The following UBN1 variants were observed in gnomAD, a reference collection of about 807,000 sequenced individuals.
UBN1 encodes ubinuclein 1.
A neutral mutation model predicts 108.5 loss-of-function variants in UBN1; 17 were observed. That is an observed-to-expected ratio of 0.16 (90% CI 0.11 to 0.24). The LOEUF (loss-of-function observed/expected upper bound fraction) is 0.24, where lower values mean the gene tolerates loss of function less well. Among genes scored for constraint, UBN1 ranks in the 10% least tolerant of loss-of-function variants. UBN1 has a pLI of 1.00. For synonymous variants in UBN1, 726 were observed against 564.2 expected (o/e 1.29, Z -4.07); for missense variants, 1,595 against 1,394.4 (o/e 1.14, Z -2.29).
At chr16:4,860,008 C>G (rs370265873) in intron 6 of UBN1, 40 bp downstream of exon 6, 62 of 1,611,568 alleles carry the variant, frequency 3.8e-5, no homozygotes, top group Non-Finnish European at 5.3e-5. Flanking sequence ...AAAGCCTGAA[C>G]TGTTAGGGCA....
In UBN1 at chr16:4,870,952, C is replaced by T. The variant is rs1033572989; in HGVS notation, c.1539C>T (p.Phe513=). Reference sequence around the variant, plus strand: ...GGATAATGGGACCTCGGAAGAAGTTCCAATGGAATGATGAGATCAGGTGTG... The same window carrying T: ...GGATAATGGGACCTCGGAAGAAGTTTCAATGGAATGATGAGATCAGGTGTG... ...GRRIMGPRKK[F]QWNDEIRELL... The change falls in exon 11 of 18, where the codon TTC becomes TTT. Residue 513 remains phenylalanine, a synonymous_variant. Transcript: ENST00000262376. The T allele has an allele frequency of 2.5e-6, 4 of 1,613,946 alleles. No homozygotes were observed. The highest frequency in any genetic ancestry group is 2.7e-5 in the African/African-American group (2 of 74,894).
rs780744121 is a variant in UBN1 at position 4,868,915 on chromosome 16, C to A, written c.1181+12C>A. Reference sequence around the variant, plus strand: ...GGAATCCTATTAGAGTGAGTATCGTCTGTCTGTCTGTCTGTCTGTCTGTTT... The same window carrying A: ...GGAATCCTATTAGAGTGAGTATCGTATGTCTGTCTGTCTGTCTGTCTGTTT... On this transcript the variant is annotated intron_variant, in intron 8 of 17. Coordinates refer to ENST00000262376, the MANE Select transcript of UBN1 (RefSeq NM_001079514.3). 9.5e-5 allele frequency: 151 copies of A among 1,581,458 alleles called. No homozygotes were observed. The highest frequency in any genetic ancestry group is 1.0e-5 in the Non-Finnish European group (12 of 1,159,258).
chr16:4,870,275 G>A lies in UBN1; in HGVS notation c.1245G>A (p.Ala415=), dbSNP rs140706161. The part of the protein sequence containing the change: ...QVRSGVYAYL[A]SFLPCSKDAL... ...GCTCTGGGGTGTATGCCTATCTTGCGTCATTCCTGCCCTGCAGCAAGGATG... is the reference window on the plus strand; with the variant it reads ...GCTCTGGGGTGTATGCCTATCTTGCATCATTCCTGCCCTGCAGCAAGGATG... The change falls in exon 9 of 18, where the codon GCG becomes GCA. Residue 415 remains alanine, a synonymous_variant. Coordinates refer to ENST00000262376, the MANE Select transcript of UBN1 (RefSeq NM_001079514.3). 1.3e-4 allele frequency: 205 copies of A among 1,614,102 alleles called. No homozygotes were observed. Among genetic ancestry groups the A allele is most frequent in the South Asian group, 7.7e-4 (70 of 91,090 alleles).
chr16:4,874,860 T>G lies in UBN1; in HGVS notation c.2450T>G (p.Phe817Cys), dbSNP rs2087805462. ...FHAGTQQQKNFTPPSPFANKL... is the reference protein window; with the variant it reads ...FHAGTQQQKNCTPPSPFANKL... ...GCCGGCACTCAGCAGCAGAAAAACTTCACGCCCCCATCTCCATTTGCCAAT... is the reference window on the plus strand; with the variant it reads ...GCCGGCACTCAGCAGCAGAAAAACTGCACGCCCCCATCTCCATTTGCCAAT... The change falls in exon 15 of 18, where the codon TTC becomes TGC. Residue 817 changes from phenylalanine to cysteine, a missense_variant. Phe to Cys is a radical substitution (Grantham distance 205). Around this residue, in one of 3 missense-constraint regions of UBN1, gnomAD observed 1,398 missense variants for 1,194.7 expected, o/e 1.17. Transcript: ENST00000262376. 1 of 1,613,932 alleles carries G rather than the reference T, an allele frequency of 6.2e-7. No homozygotes were observed. The highest frequency in any genetic ancestry group is 8.5e-7 in the Non-Finnish European group (1 of 1,180,044).
Position 4,861,017 on chromosome 16 carries a change from G to C in UBN1, c.1025G>C (p.Gly342Ala). Residue 342 changes from glycine to alanine, a missense_variant, in exon 7 of 18, where the codon GGA becomes GCA. Physicochemically the swap from Gly to Ala is moderately conservative, Grantham distance 60. This residue lies in a region of UBN1 where 1,398 missense variants were observed against 1,194.7 expected (regional missense o/e 1.17). Coordinates refer to ENST00000262376, the MANE Select transcript of UBN1 (RefSeq NM_001079514.3). ...GATGGAAGTGATTCCCTTGGGGTGG[G>C]ATTGGACCAGGAATTCAGGCAGCCC... The part of the protein sequence containing the change: ...MDDGSDSLGV[G>A]LDQEFRQPSS... 6.2e-7 allele frequency: 1 copy of C among 1,614,230 alleles called. No homozygotes were observed. The highest frequency in any genetic ancestry group is 2.2e-5 in the East Asian group (1 of 44,884).
rs766013729 is a variant in UBN1 at position 4,874,558 on chromosome 16, G to A, written c.2148G>A (p.Arg716=). 117 of 1,614,030 alleles carry A rather than the reference G, an allele frequency of 7.2e-5. No homozygotes were observed. Among genetic ancestry groups the A allele is most frequent in the Non-Finnish European group, 9.2e-5 (109 of 1,179,988 alleles). ...VGGVLCTEEK[R]NFAKPSPSAP... is the part of the protein sequence containing the mutation. The stretch of plus-strand genomic sequence containing the variant: ...GCGTTTTATGTACAGAAGAAAAAAG[G>A]AACTTTGCGAAGCCTAGTCCTTCTG... Residue 716 remains arginine, a synonymous_variant, in exon 15 of 18, where the codon AGG becomes AGA. Coordinates refer to ENST00000262376, the MANE Select transcript of UBN1 (RefSeq NM_001079514.3).
intron 14 of UBN1, 34 bp from the exon 15 acceptor site, chr16:4,874,177 C>G (rs1445342516): frequency 2.0e-6 from 3 of 1,514,204 alleles, no homozygotes; most frequent in Non-Finnish European, 8.8e-7. Context: ...ATCTTTGGAC[C>G]TTTCTAAACA....
chr16:4,860,572 G>T, intron 6 of UBN1, 92 bp from the exon 7 acceptor site: 1 of 1,311,156 alleles, frequency 7.6e-7, no homozygotes, highest in South Asian at 1.4e-5. Context: ...TTCTCCTGGA[G>T]ACCATGACCC....
At chr16:4,862,688 T>C (rs2087123728) in intron 7 of UBN1, among the ~76,000 whole-genome samples, 1 of 152,238 alleles carries the variant, frequency 6.6e-6, no homozygotes, top group South Asian at 2.1e-4. Context: ...TCCCCACTCG[T>C]GCCATAGGTT....
At chr16:4,874,087 G>C in intron 14 of UBN1, 124 bp from the exon 15 acceptor site, 3 of 1,231,480 alleles carry the variant, frequency 2.4e-6, no homozygotes, top group Non-Finnish European at 3.3e-6. Flanking sequence ...CCCACCACTT[G>C]TCTTGTAATT....
chr16:4,868,317 G>A (rs1012598178), intron 7 of UBN1, among the ~76,000 whole-genome samples: 1 of 152,152 alleles, frequency 6.6e-6, no homozygotes, highest in Non-Finnish European at 1.5e-5. Flanking sequence ...CACATGGTCT[G>A]GCTAATAGAG....
chr16:4,870,798 G>A lies in UBN1; in HGVS notation c.1431-46G>A, dbSNP rs776491688. ...AGTGCAGAGTGAGGGGAGAGGCGGTGGGCAGGAGCACCTTGGGGCCCCATG... is the reference window on the plus strand; with the variant it reads ...AGTGCAGAGTGAGGGGAGAGGCGGTAGGCAGGAGCACCTTGGGGCCCCATG... On this transcript the variant is annotated intron_variant, in intron 10 of 17. Coordinates refer to ENST00000262376, the MANE Select transcript of UBN1 (RefSeq NM_001079514.3). The A allele has an allele frequency of 1.9e-6, 3 of 1,610,412 alleles. No individual in the cohort carries two copies. In the East Asian group the frequency reaches 6.7e-5, roughly 36 times the overall value.
rs558392752 is a variant in UBN1 at position 4,881,573 on chromosome 16, G to T, written c.*1441G>T. 47 of 152,264 alleles carry T rather than the reference G, an allele frequency of 3.1e-4. No homozygotes were observed. The highest frequency in any genetic ancestry group is 1.1e-3 in the African/African-American group (44 of 41,534). The allele number at this position is 152,264 out of a possible 1,614,324, so 9.4% of individuals were successfully genotyped here. A position where few individuals can be genotyped will look rare whatever the true frequency, so the allele number is the denominator to read the frequency against. On this transcript the variant is annotated 3_prime_UTR_variant, in exon 18 of 18. Transcript: ENST00000262376. ...CCGCTCTTGGCTCCTGACTCCCAGGGTACAGCGCCCAGTAACTCATCCTTC... is the reference window on the plus strand; with the variant it reads ...CCGCTCTTGGCTCCTGACTCCCAGGTTACAGCGCCCAGTAACTCATCCTTC...
At chr16:4,849,187 G>C (rs944697488) in intron 1 of UBN1, among the ~76,000 whole-genome samples, 2 of 152,112 alleles carry the variant, frequency 1.3e-5, no homozygotes, top group Non-Finnish European at 2.9e-5. Context: ...CAGAAACATG[G>C]TACATTTCTA....
chr16:4,861,925 G>A (rs2087085126), intron 7 of UBN1, among the ~76,000 whole-genome samples: 1 of 152,206 alleles, frequency 6.6e-6, no homozygotes, highest in African/African-American at 2.4e-5. Context: ...CTGGGCCACA[G>A]AGCAAGATTC....
chr16:4,871,531 C>T (rs1040482768), intron 12 of UBN1, among the ~76,000 whole-genome samples: 1 of 150,510 alleles, frequency 6.6e-6, no homozygotes, highest in Non-Finnish European at 1.5e-5. Flanking sequence ...CATTTTTTGT[C>T]CCACTTCAGT....
intron 5 of UBN1, 32 bp downstream of exon 5, chr16:4,859,191 A>G (rs377114274): frequency 2.9e-5 from 47 of 1,604,460 alleles, no homozygotes; most frequent in African/African-American, 2.7e-5. Flanking sequence ...GATTTCAGAA[A>G]TGCTTTTTGA....
intron 2 of UBN1, 71 bp from the exon 3 acceptor site, chr16:4,857,919 A>T: frequency 8.9e-7 from 1 of 1,127,286 alleles, no homozygotes. Flanking sequence ...TTGAGTAATC[A>T]GTGAAGTTTC....
At chr16:4,851,622 C>T (rs1294132848) in intron 1 of UBN1, among the ~76,000 whole-genome samples, 1 of 152,020 alleles carries the variant, frequency 6.6e-6, no homozygotes. Flanking sequence ...AGCTTAAGAC[C>T]AGCCTGGGCA....
Sources: gnomAD v4.1 joint callset for allele counts (sites outside exome capture counted in the v4.1 genomes callset) on GRCh38, gnomAD v4.1.1 for gene constraint, gnomAD v4.1.1 regional missense constraint, MANE v1.5 for transcripts, NCBI Gene and HGNC (gene_info 2026-07-23, HGNC 2026-07-21) for gene names.